IL1RAPL2: variants seen among roughly 807,000 people sequenced by gnomAD.
IL1RAPL2 encodes interleukin 1 receptor accessory protein like 2.
In IL1RAPL2, 3 loss-of-function variants were observed where a neutral mutation model predicts 44.1. That is an observed-to-expected ratio of 0.07 (90% CI 0.03 to 0.18). IL1RAPL2 has a LOEUF of 0.18. Ranked by LOEUF, IL1RAPL2 falls within the 10% of genes least tolerant of loss-of-function variation. The probability of loss-of-function intolerance (pLI) is 1.00; values close to 1 mark genes in which losing one functional copy is unlikely to be tolerated. For synonymous variants in IL1RAPL2, 181 were observed against 178.8 expected (o/e 1.01, Z -0.10); for missense variants, 391 against 496.4 (o/e 0.79, Z 2.02).
At chrX:104,635,059 A>C (rs1430257479) in intron 1 of IL1RAPL2, among the ~76,000 whole-genome samples, 8 of 111,051 alleles carry the variant, frequency 7.2e-5, no homozygotes, top group East Asian at 5.6e-4. Context: ...ATCTCTCAGC[A>C]TTTGCTTGTC....
chrX:105,586,785 G>GA (rs1032527067), intron 6 of IL1RAPL2, among the ~76,000 whole-genome samples: 11 of 112,308 alleles, frequency 9.8e-5, no homozygotes, highest in African/African-American at 3.6e-4. Flanking sequence ...AACTTGAGAG[G>GA]AACCGCCTAC....
rs200047669 is a variant in IL1RAPL2, at chrX:104,634,153, T to C, written c.-19-24742T>C. Reference sequence around the variant, plus strand: ...TTCAGTTTCCATGTAGTTGAGCAGTTTTGAGTGAGTTTCTTAATCCTGAGT... The same window carrying C: ...TTCAGTTTCCATGTAGTTGAGCAGTCTTGAGTGAGTTTCTTAATCCTGAGT... On this transcript the variant is annotated intron_variant, in intron 1 of 10. Transcript: ENST00000372582. Among the ~76,000 whole-genome samples, 10 of 111,647 alleles carry C rather than the reference T, an allele frequency of 9.0e-5. No individual in the cohort carries two copies. The East Asian group carries it at 2.8e-3, about 31-fold the overall frequency.
chrX:105,065,944 G>A (rs1428386241), intron 2 of IL1RAPL2, among the ~76,000 whole-genome samples: 1 of 110,877 alleles, frequency 9.0e-6, no homozygotes, highest in Non-Finnish European at 1.9e-5. Context: ...CTCTGGAGGG[G>A]GATTCTTGAA....
chrX:105,736,048 T>A lies in IL1RAPL2; in HGVS notation c.903-4498T>A, dbSNP rs780514978. On this transcript the variant is annotated intron_variant, in intron 7 of 10. Coordinates refer to ENST00000372582, the MANE Select transcript of IL1RAPL2 (RefSeq NM_017416.2). ...GTACAAAAACAGACACATAGACCAA[T>A]GGAACATAATAAGCAATGCCACCAA... Among the ~76,000 whole-genome samples, 16 of 110,678 alleles carry A rather than the reference T, an allele frequency of 1.4e-4. No homozygotes were observed. In the East Asian group the frequency reaches 4.6e-3, roughly 32 times the overall value.
intron 6 of IL1RAPL2, among the ~76,000 whole-genome samples, chrX:105,643,955 G>A (rs897042184): frequency 9.0e-6 from 1 of 111,178 alleles, no homozygotes; most frequent in Admixed American, 9.5e-5. Context: ...GCAGTGGCAC[G>A]ATCTCGGCTC....
chrX:105,312,663 T>A (rs1165150124), intron 5 of IL1RAPL2, among the ~76,000 whole-genome samples: 1 of 111,759 alleles, frequency 8.9e-6, no homozygotes, highest in Admixed American at 9.5e-5. Flanking sequence ...ACTGTCATAC[T>A]TTTATATACA....
chrX:105,221,055 T>C (rs1203680036), intron 3 of IL1RAPL2, among the ~76,000 whole-genome samples: 3 of 111,867 alleles, frequency 2.7e-5, no homozygotes, highest in Non-Finnish European at 1.9e-5. Flanking sequence ...GCAGTTCATT[T>C]TCCAGACTCC....
At position 105,091,230 on chromosome X, in the gene IL1RAPL2, A is replaced by G. The variant is rs191299355; in HGVS notation, c.83-104245A>G. On this transcript the variant is annotated intron_variant, in intron 2 of 10. Transcript: ENST00000372582. ...TCCAACTGGAGTGACCCTTTACAAG[A>G]CATGGTCTGAAGCTTTTTGCAAAGA... Among the ~76,000 whole-genome samples the G allele has an allele frequency of 3.6e-5, 4 of 112,200 alleles. No homozygotes were observed. In the East Asian group the frequency reaches 1.1e-3, roughly 32 times the overall value.
chrX:105,159,332 C>G (rs1386337010), intron 2 of IL1RAPL2, among the ~76,000 whole-genome samples: 1 of 111,786 alleles, frequency 8.9e-6, no homozygotes, highest in Non-Finnish European at 1.9e-5. Flanking sequence ...GATGTTATTC[C>G]CATTCAGATT....
At chrX:104,676,446 A>AT (rs1930759811) in intron 2 of IL1RAPL2, among the ~76,000 whole-genome samples, 1 of 111,811 alleles carries the variant, frequency 8.9e-6, no homozygotes, top group Non-Finnish European at 1.9e-5. Flanking sequence ...CTTCTGGCTT[A>AT]TAGAGTTTCT....
chrX:104,910,533 G>A (rs1924203329), intron 2 of IL1RAPL2, among the ~76,000 whole-genome samples: 1 of 111,565 alleles, frequency 9.0e-6, no homozygotes, highest in South Asian at 3.8e-4. Context: ...CCTGTCCCCT[G>A]ACAGGCACCA....
chrX:105,580,568 C>T (rs996385396), intron 6 of IL1RAPL2, among the ~76,000 whole-genome samples: 1 of 110,543 alleles, frequency 9.0e-6, no homozygotes, highest in African/African-American at 3.3e-5. Flanking sequence ...CAGAATAGCC[C>T]GAATTCTAAG....
Position 104,729,782 on chromosome X carries a change from G to A in IL1RAPL2, c.82+70787G>A, listed in dbSNP as rs765312445. Among the ~76,000 whole-genome samples, 13 of 110,690 alleles carry A rather than the reference G, an allele frequency of 1.2e-4. No homozygotes were observed. In the East Asian group the frequency reaches 3.4e-3, roughly 29 times the overall value. ...TATTTGGTTTTCTGTTCCTGTGCTAGTTTGCTAAGGATAATGGCCTCCAGC... is the reference window on the plus strand; with the variant it reads ...TATTTGGTTTTCTGTTCCTGTGCTAATTTGCTAAGGATAATGGCCTCCAGC... On this transcript the variant is annotated intron_variant, in intron 2 of 10. Coordinates refer to ENST00000372582, the MANE Select transcript of IL1RAPL2 (RefSeq NM_017416.2).
At chrX:105,134,117 C>T (rs1403267481) in intron 2 of IL1RAPL2, among the ~76,000 whole-genome samples, 1 of 111,881 alleles carries the variant, frequency 8.9e-6, no homozygotes, top group Non-Finnish European at 1.9e-5. Flanking sequence ...TTTGTGATTT[C>T]TGATGCCACA....
At chrX:104,797,290 G>T (rs1316318342) in intron 2 of IL1RAPL2, among the ~76,000 whole-genome samples, 1 of 102,583 alleles carries the variant, frequency 9.7e-6, no homozygotes, top group African/African-American at 3.6e-5. Flanking sequence ...TTTAATCTAC[G>T]TGACAAAGGG....
intron 5 of IL1RAPL2, among the ~76,000 whole-genome samples, chrX:105,445,625 T>G (rs1157148740): frequency 8.9e-6 from 1 of 111,777 alleles, no homozygotes; most frequent in African/African-American, 3.2e-5. Context: ...TCCAATTTTC[T>G]TCTTAATTTC....
intron 2 of IL1RAPL2, among the ~76,000 whole-genome samples, chrX:104,872,600 A>G (rs775451163): frequency 8.9e-6 from 1 of 111,833 alleles, no homozygotes; most frequent in South Asian, 3.7e-4. Context: ...TTGAATAGCT[A>G]CCAGAAAACC....
chrX:105,238,150 C>G (rs1463436711), intron 4 of IL1RAPL2, among the ~76,000 whole-genome samples: 1 of 112,045 alleles, frequency 8.9e-6, no homozygotes, highest in Admixed American at 9.5e-5. Context: ...GGTTATAGCT[C>G]TGTGCCTTAT....
At chrX:105,574,796 CT>C (rs906875908) in intron 6 of IL1RAPL2, among the ~76,000 whole-genome samples, 2 of 109,574 alleles carry the variant, frequency 1.8e-5, no homozygotes, top group Non-Finnish European at 3.8e-5. Context: ...GAAACCTGAC[CT>C]TTTTTTTTCT....
Sources: gnomAD v4.1 joint callset for allele counts (sites outside exome capture counted in the v4.1 genomes callset) on GRCh38, gnomAD v4.1.1 for gene constraint, MANE v1.5 for transcripts, NCBI Gene and HGNC (gene_info 2026-07-23, HGNC 2026-07-21) for gene names.